Variants in RGPD4 observed in about 807,000 individuals in gnomAD.
The protein encoded by RGPD4 is ranBP2-like and GRIP domain-containing protein 4.
In RGPD4, 84 loss-of-function variants were observed where a neutral mutation model predicts 141.1. The observed-to-expected ratio is 0.60, with a 90% CI of 0.50 to 0.71. RGPD4 has a LOEUF of 0.71. Among genes scored for constraint, RGPD4 ranks in the 30% least tolerant of loss-of-function variants. The pLI, the probability that RGPD4 is intolerant of heterozygous loss-of-function variation, is 0.00. For missense variants in RGPD4, 918 were observed against 1,622.4 expected (o/e 0.57, Z 7.46); for synonymous variants, 298 against 566.8 (o/e 0.53, Z 6.74).
rs754514194 is a variant in RGPD4 at position 107,871,841 on chromosome 2, A to G, written c.3837A>G (p.Arg1279=). The stretch of plus-strand genomic sequence containing the variant: ...CTCCATTGGCAAGTAGCCCTGTGAG[A>G]AAAAATCTTTTCCATTTTGGTGAGT... ...HASPLASSPV[R]KNLFHFGEST... Residue 1279 remains arginine (R), a synonymous_variant, in exon 20 of 23, where the codon AGA becomes AGG. Transcript: ENST00000408999. 4 of 1,611,616 alleles carry G rather than the reference A, an allele frequency of 2.5e-6. No individual in the cohort carries two copies. The South Asian group carries it at 4.4e-5, about 18-fold the overall frequency.
chr2:107,847,101 G>T (rs1013132016), intron 6 of RGPD4, among the ~76,000 whole-genome samples: 1 of 148,818 alleles, frequency 6.7e-6, no homozygotes, highest in African/African-American at 2.5e-5. Context: ...AATTAGCCGG[G>T]CATGTTGGTA....
chr2:107,857,355 T>C (rs990131034), intron 9 of RGPD4, among the ~76,000 whole-genome samples: 3 of 151,036 alleles, frequency 2.0e-5, no homozygotes, highest in African/African-American at 7.4e-5. Flanking sequence ...GTCAGGCTGG[T>C]CTCAAACTCC....
intron 8 of RGPD4, among the ~76,000 whole-genome samples, chr2:107,855,767 A>G (rs2580981): frequency 9.0e-5 from 9 of 99,790 alleles, no homozygotes; most frequent in Non-Finnish European, 1.6e-4. Flanking sequence ...TCATCACTCC[A>G]TGAGGAATTC....
chr2:107,884,335 TG>T (rs1675450784), intron 22 of RGPD4, among the ~76,000 whole-genome samples: 1 of 152,170 alleles, frequency 6.6e-6, no homozygotes, highest in Non-Finnish European at 1.5e-5. Flanking sequence ...CTCCTGACCT[TG>T]TGATCTGCCC....
In RGPD4 at chr2:107,871,262, A is replaced by G; in HGVS notation, c.3258A>G (p.Lys1086=). Residue 1086 remains lysine, a synonymous_variant, in exon 20 of 23, where the codon AAA becomes AAG. Transcript: ENST00000408999. ...AAGAAAGGGGCTTGGGGAACTTAAA[A>G]ATTCTCAAAAACGAGGTCAATGGCA... The part of the protein sequence containing the change: ...QWKERGLGNL[K]ILKNEVNGKP... The G allele has an allele frequency of 6.2e-7, 1 of 1,608,368 alleles. No homozygotes were observed. Among genetic ancestry groups the G allele is most frequent in the Non-Finnish European group, 8.5e-7 (1 of 1,179,488 alleles).
Position 107,871,251 on chromosome 2 carries a change from G to C in RGPD4, c.3247G>C (p.Gly1083Arg), listed in dbSNP as rs1371603816. Reference protein sequence around the residue: ...EVRQWKERGLGNLKILKNEVN... With the variant: ...EVRQWKERGLRNLKILKNEVN... ...AAGGCAGTGGAAAGAAAGGGGCTTGGGGAACTTAAAAATTCTCAAAAACGA... is the reference window on the plus strand; with the variant it reads ...AAGGCAGTGGAAAGAAAGGGGCTTGCGGAACTTAAAAATTCTCAAAAACGA... The change falls in exon 20 of 23, where the codon GGG becomes CGG. Residue 1083 changes from glycine (G) to arginine (R), a missense_variant. By Grantham distance (125) the Gly-to-Arg change is moderately radical. Coordinates refer to ENST00000408999, the MANE Select transcript of RGPD4 (RefSeq NM_182588.3). 2.5e-6 allele frequency: 4 copies of C among 1,608,480 alleles called. No individual in the cohort carries two copies. The highest frequency in any genetic ancestry group is 3.4e-6 in the Non-Finnish European group (4 of 1,179,484).
intron 20 of RGPD4, among the ~76,000 whole-genome samples, chr2:107,877,375 A>G (rs1683118566): frequency 6.6e-6 from 1 of 151,436 alleles, no homozygotes; most frequent in Non-Finnish European, 1.5e-5. Flanking sequence ...ACCCTGTCTC[A>G]GAAAAAATAA....
At chr2:107,829,588 G>T (rs1356046040) in intron 1 of RGPD4, among the ~76,000 whole-genome samples, 43 of 150,170 alleles carry the variant, frequency 2.9e-4, no homozygotes, top group South Asian at 6.2e-4. Flanking sequence ...CATGGCTCCC[G>T]ACGGGCGCTG....
chr2:107,830,520 C>T (rs1027858126), intron 1 of RGPD4, among the ~76,000 whole-genome samples: 1 of 152,120 alleles, frequency 6.6e-6, no homozygotes, highest in African/African-American at 2.4e-5. Flanking sequence ...GTTATTATGG[C>T]ACCTCTCTTA....
chr2:107,885,598 T>C (rs1208293739), intron 22 of RGPD4, among the ~76,000 whole-genome samples: 2 of 152,174 alleles, frequency 1.3e-5, no homozygotes. Flanking sequence ...ATTTGGTAAG[T>C]CCTGTAAACA....
chr2:107,888,654 C>G (rs1255789462), intron 22 of RGPD4, among the ~76,000 whole-genome samples: 1 of 147,198 alleles, frequency 6.8e-6, no homozygotes. Context: ...TAGAATACAG[C>G]AAAAATGATA....
In RGPD4 at chr2:107,871,103, C is replaced by T. The variant is rs746407894; in HGVS notation, c.3099C>T (p.Ser1033=). 2.3e-5 allele frequency: 37 copies of T among 1,610,658 alleles called. No homozygotes were observed. The highest frequency in any genetic ancestry group is 2.9e-5 in the Non-Finnish European group (34 of 1,179,778). Residue 1033 remains serine (S), a synonymous_variant, in exon 20 of 23, where the codon AGC becomes AGT. Coordinates refer to ENST00000408999, the MANE Select transcript of RGPD4 (RefSeq NM_182588.3). ...KDDDAYKTED[S]DDIHFEPVVQ... ...ATGATGCCTATAAGACTGAGGACAG[C>T]GATGACATCCATTTTGAACCAGTAG... is the stretch of plus-strand genomic sequence containing the variant.
At chr2:107,887,407 G>A (rs1437474548) in intron 22 of RGPD4, among the ~76,000 whole-genome samples, 1 of 152,132 alleles carries the variant, frequency 6.6e-6, no homozygotes, top group Non-Finnish European at 1.5e-5. Context: ...TGTATCATCA[G>A]CTCTAGATAT....
At chr2:107,884,263 A>C (rs1216164592) in intron 22 of RGPD4, among the ~76,000 whole-genome samples, 2 of 152,032 alleles carry the variant, frequency 1.3e-5, no homozygotes, top group Non-Finnish European at 2.9e-5. Flanking sequence ...GATGCACGCC[A>C]GCTAATTTTT....
In RGPD4 at chr2:107,862,598, TA is replaced by T. The variant is rs1682582786; in HGVS notation, c.2206-82del. 105 of 690,004 alleles carry T rather than the reference TA, an allele frequency of 1.5e-4. No individual in the cohort carries two copies. The South Asian group carries it at 2.1e-3, about 14-fold the overall frequency. The allele number at this position is 690,004 out of a possible 1,614,324, so 42.7% of individuals were successfully genotyped here. A position where few individuals can be genotyped will look rare whatever the true frequency, so the allele number is the denominator to read the frequency against. ...CTTATTAAAGTGACAAAAATGTAAA[TA>T]AGATAAAATATATCATTTTAGAGTT... On this transcript the variant is annotated intron_variant, in intron 15 of 22. Coordinates refer to ENST00000408999, the MANE Select transcript of RGPD4 (RefSeq NM_182588.3).
At position 107,872,113 on chromosome 2, in the gene RGPD4, A is replaced by T. The variant is rs1399870266; in HGVS notation, c.4109A>T (p.Asp1370Val). 17 of 1,611,216 alleles carry T rather than the reference A, an allele frequency of 1.1e-5. No individual in the cohort carries two copies. The highest frequency in any genetic ancestry group is 4.4e-5 in the South Asian group (4 of 90,984). The change falls in exon 20 of 23, where the codon GAT (aspartate) becomes GTT (valine). Residue 1370 changes from aspartate to valine, a missense_variant. Transcript: ENST00000408999. The stretch of plus-strand genomic sequence containing the variant: ...GCAGAACTCTACAGATATGATAAAG[A>T]TGTTGGTCAATGGAAAGAAAGGGGC... The part of the protein sequence containing the change: ...HRAELYRYDK[D>V]VGQWKERGIG...
At chr2:107,846,870 G>C (rs1199185146) in intron 6 of RGPD4, among the ~76,000 whole-genome samples, 1 of 150,112 alleles carries the variant, frequency 6.7e-6, no homozygotes, top group Non-Finnish European at 1.5e-5. Flanking sequence ...TTAATGTCTC[G>C]CTTAATAGAA....
intron 18 of RGPD4, among the ~76,000 whole-genome samples, chr2:107,869,321 T>G (rs1295571802): frequency 1.4e-5 from 1 of 71,536 alleles, no homozygotes; most frequent in Admixed American, 1.1e-4. Context: ...AGCAGACAGT[T>G]TGTACATCTG....
Position 107,827,060 on chromosome 2 carries a change from A to G in RGPD4, c.47A>G (p.Gln16Arg), listed in dbSNP as rs1395956889. The change falls in exon 1 of 23, where the codon CAG becomes CGG. Residue 16 changes from glutamine (Q) to arginine (R), a missense_variant. Physicochemically the swap from Gln to Arg is conservative, Grantham distance 43 (BLOSUM62 1). Coordinates refer to ENST00000408999, the MANE Select transcript of RGPD4 (RefSeq NM_182588.3). Reference sequence around the variant, plus strand: ...GGGGAGCGGTACGTCGCCTCCGTGCAGGGCTCCGCCCCGTCGCCTCGAAAG... The same window carrying G: ...GGGGAGCGGTACGTCGCCTCCGTGCGGGGCTCCGCCCCGTCGCCTCGAAAG... ...AYGERYVASV[Q>R]GSAPSPRKKS... is the part of the protein sequence containing the mutation. 3 of 1,594,538 alleles carry G rather than the reference A, an allele frequency of 1.9e-6. No individual in the cohort carries two copies. The highest frequency in any genetic ancestry group is 1.3e-5 in the African/African-American group (1 of 74,592).
Sources: allele counts gnomAD v4.1 joint callset (sites outside exome capture counted in the v4.1 genomes callset), GRCh38; gene constraint gnomAD v4.1.1; transcripts MANE v1.5; gene names NCBI Gene and HGNC (gene_info 2026-07-23, HGNC 2026-07-21).